Variants in ANKS1B observed in about 807,000 individuals in gnomAD.
ANKS1B encodes ankyrin repeat and sterile alpha motif domain-containing protein 1B.
A neutral mutation model predicts 148.3 loss-of-function variants in ANKS1B; 36 were observed. That is an observed-to-expected ratio of 0.24 (90% CI 0.19 to 0.32). The LOEUF is 0.32. Among genes scored for constraint, ANKS1B ranks in the 10% least tolerant of loss-of-function variants. The pLI is 1.00. For missense variants in ANKS1B, 1,157 were observed against 1,542.6 expected (o/e 0.75, Z 4.19); for synonymous variants, 542 against 560.8 (o/e 0.97, Z 0.47).
At chr12:98,905,321 TC>T in intron 17 of ANKS1B, among the ~76,000 whole-genome samples, 1 of 152,322 alleles carries the variant, frequency 6.6e-6, no homozygotes, top group East Asian at 1.9e-4. Context: ...TCTGAAACGT[TC>T]TTTCCTTCAA....
intron 1 of ANKS1B, among the ~76,000 whole-genome samples, chr12:99,884,699 CAG>C (rs1462181645): frequency 6.6e-6 from 1 of 151,856 alleles, no homozygotes; most frequent in Non-Finnish European, 1.5e-5. Flanking sequence ...AGCAAAAAAA[CAG>C]GGACAGAGAA....
At position 99,806,610 on chromosome 12, in the gene ANKS1B, T is replaced by C. The variant is rs761605560; in HGVS notation, c.463A>G (p.Thr155Ala). 21 of 1,613,850 alleles carry C rather than the reference T, an allele frequency of 1.3e-5. No individual in the cohort carries two copies. The Admixed American group carries it at 1.5e-4, about 12-fold the overall frequency. Residue 155 changes from threonine to alanine, a missense_variant, in exon 4 of 27, where the codon ACA (threonine) becomes GCA (alanine). Physicochemically the swap from Thr to Ala is moderately conservative, Grantham distance 58 (BLOSUM62 0). This residue lies in a region of ANKS1B where 164 missense variants were observed against 232.6 expected (regional missense o/e 0.71). Coordinates refer to ENST00000683438, the MANE Select transcript of ANKS1B (RefSeq NM_001352186.2). ...GTTTCCAGCTTGCTATTTCTAATTGTCGGGTCAGTGAGCTCTTCTAGGAGA... is the reference window on the plus strand; with the variant it reads ...GTTTCCAGCTTGCTATTTCTAATTGCCGGGTCAGTGAGCTCTTCTAGGAGA... ...AVLLEELTDPTIRNSKLETPL... is the reference protein window; with the variant it reads ...AVLLEELTDPAIRNSKLETPL...
intron 17 of ANKS1B, among the ~76,000 whole-genome samples, chr12:98,833,998 C>T (rs754788166): frequency 9.9e-5 from 15 of 152,152 alleles, no homozygotes; most frequent in Non-Finnish European, 1.5e-4. Flanking sequence ...GGTTAACTTA[C>T]GGGCCTTTTG....
intron 4 of ANKS1B, among the ~76,000 whole-genome samples, chr12:99,791,182 G>A (rs995930698): frequency 6.6e-6 from 1 of 151,854 alleles, no homozygotes; most frequent in Non-Finnish European, 1.5e-5. Context: ...AGACAAAGAA[G>A]GTCATTATAT....
At chr12:98,741,062 T>C (rs956123896), downstream of ANKS1B, among the ~76,000 whole-genome samples, 1 of 152,200 alleles carries the variant, frequency 6.6e-6, no homozygotes, top group Non-Finnish European at 1.5e-5. Flanking sequence ...ACTGCCTATC[T>C]CTGAAGTTCA....
rs12425636 is a variant in ANKS1B, at chr12:99,692,482, G to A, written c.1129-37272C>T. On this transcript the variant is annotated intron_variant, in intron 8 of 26. Transcript: ENST00000683438. ...GGTCAGGAGTTCAAGACCAGCCTGG[G>A]CAACATGGTGAAATCCTGTCTCTAC... is the stretch of plus-strand genomic sequence containing the variant. Among the ~76,000 whole-genome samples the A allele has an allele frequency of 9.5e-3, 1,443 of 151,860 alleles. 76 individuals carry two copies. The East Asian group carries it at 0.15, about 16-fold the overall frequency.
chr12:99,668,795 T>C (rs778450656), intron 8 of ANKS1B, among the ~76,000 whole-genome samples: 4 of 152,110 alleles, frequency 2.6e-5, no homozygotes, highest in African/African-American at 4.8e-5. Flanking sequence ...TTTCATTGCA[T>C]GATATTTTTT....
At chr12:99,662,983 T>C (rs1392684) in intron 8 of ANKS1B, among the ~76,000 whole-genome samples, 23,851 of 152,128 alleles carry the variant, frequency 0.16, 2,659 homozygotes, top group East Asian at 0.46. Flanking sequence ...TATCTGCAAA[T>C]TTGCATAGCC....
At chr12:99,451,022 A>G (rs1219354523) in intron 10 of ANKS1B, among the ~76,000 whole-genome samples, 3 of 152,216 alleles carry the variant, frequency 2.0e-5, no homozygotes, top group African/African-American at 4.8e-5. Context: ...GCCTATGACC[A>G]AGACAGTTTT....
chr12:99,809,841 T>C (rs893584982), intron 3 of ANKS1B, among the ~76,000 whole-genome samples: 5 of 152,106 alleles, frequency 3.3e-5, no homozygotes, highest in Non-Finnish European at 7.4e-5. Flanking sequence ...AACATAAATG[T>C]ATTACTGGTT....
intron 8 of ANKS1B, among the ~76,000 whole-genome samples, chr12:99,655,969 GT>G (rs1179495864): frequency 6.6e-6 from 1 of 152,174 alleles, no homozygotes; most frequent in Non-Finnish European, 1.5e-5. Flanking sequence ...GAAGGTGTAA[GT>G]GTAGGTGGGG....
chr12:99,383,320 T>C (rs1456735488), intron 12 of ANKS1B, among the ~76,000 whole-genome samples: 1 of 152,178 alleles, frequency 6.6e-6, no homozygotes, highest in Non-Finnish European at 1.5e-5. Flanking sequence ...ATTTACCCTG[T>C]GGTTAGGCTT....
At chr12:99,794,486 C>CACACACACACACAG (rs1257676497) in intron 4 of ANKS1B, among the ~76,000 whole-genome samples, 1 of 151,588 alleles carries the variant, frequency 6.6e-6, no homozygotes, top group Non-Finnish European at 1.5e-5. Flanking sequence ...CACACACACA[C>CACACACACACACAG]ACACATTTTC....
chr12:99,072,880 C>T (rs1345357696), intron 16 of ANKS1B, among the ~76,000 whole-genome samples: 1 of 152,170 alleles, frequency 6.6e-6, no homozygotes, highest in Non-Finnish European at 1.5e-5. Context: ...TGCTTCCTAA[C>T]ACCAAATTCT....
At chr12:99,415,216 G>A (rs1364361928) in intron 11 of ANKS1B, among the ~76,000 whole-genome samples, 1 of 152,072 alleles carries the variant, frequency 6.6e-6, no homozygotes, top group Non-Finnish European at 1.5e-5. Context: ...TTTGACTTAG[G>A]TATTGCAAAT....
chr12:99,564,904 C>A (rs1399803244), intron 9 of ANKS1B, among the ~76,000 whole-genome samples: 3 of 152,056 alleles, frequency 2.0e-5, no homozygotes, highest in African/African-American at 7.2e-5. Flanking sequence ...TAACAACCTT[C>A]TAGGTCAATT....
At chr12:99,292,747 A>G (rs2080203777) in intron 12 of ANKS1B, among the ~76,000 whole-genome samples, 1 of 152,242 alleles carries the variant, frequency 6.6e-6, no homozygotes. Context: ...GACACAAGGA[A>G]AAATGCTCAT....
chr12:99,037,385 G>A (rs112187342), intron 17 of ANKS1B, among the ~76,000 whole-genome samples: 1,809 of 152,026 alleles, frequency 0.012, 11 homozygotes, highest in South Asian at 0.035. Flanking sequence ...GTGTGGTGGC[G>A]GGTCCCTGTA....
intron 9 of ANKS1B, among the ~76,000 whole-genome samples, chr12:99,633,095 T>G (rs1303918361): frequency 6.6e-5 from 10 of 151,784 alleles, no homozygotes; most frequent in Non-Finnish European, 1.3e-4. Context: ...AACTCATCAT[T>G]TTTTATGTCT....
Sources: allele counts gnomAD v4.1 joint callset (sites outside exome capture counted in the v4.1 genomes callset), GRCh38; gene constraint gnomAD v4.1.1; regional missense constraint gnomAD v4.1.1; transcripts MANE v1.5; gene names NCBI Gene and HGNC (gene_info 2026-07-23, HGNC 2026-07-21).